PDE3A: variants seen among roughly 807,000 people sequenced by gnomAD.
PDE3A encodes phosphodiesterase 3A, also known as cGMP-inhibited 3',5'-cyclic phosphodiesterase 3A.
A neutral mutation model predicts 98.3 loss-of-function variants in PDE3A; 43 were observed. The observed-to-expected ratio is 0.44, with a 90% CI of 0.34 to 0.56. PDE3A has a LOEUF of 0.56. Among genes scored for constraint, PDE3A ranks in the 20% least tolerant of loss-of-function variants. PDE3A has a pLI of 0.01. For missense variants in PDE3A, 1,427 were observed against 1,440.7 expected (o/e 0.99, Z 0.15); for synonymous variants, 663 against 567.9 (o/e 1.17, Z -2.38).
intron 1 of PDE3A, among the ~76,000 whole-genome samples, chr12:20,400,379 GT>G (rs75851941): frequency 2.7e-5 from 3 of 110,280 alleles, no homozygotes; most frequent in Non-Finnish European, 5.2e-5. Flanking sequence ...GTTAACATTG[GT>G]TTTTTTTTTT....
In PDE3A at chr12:20,501,867, C is replaced by A. The variant is rs562832492; in HGVS notation, c.961-54793C>A. On this transcript the variant is annotated intron_variant, in intron 1 of 15. Transcript: ENST00000359062. ...CACATTAAGCTGTCATTATTCCAGT[C>A]TTATGCTAAATAACACCCCACTTCA... 3.8e-4 allele frequency among the ~76,000 whole-genome samples: 58 copies of A among 152,190 alleles called. No individual in the cohort carries two copies. The Middle Eastern group carries it at 0.014, about 36-fold the overall frequency.
At chr12:20,548,454 C>T (rs989802131) in intron 1 of PDE3A, among the ~76,000 whole-genome samples, 9 of 151,762 alleles carry the variant, frequency 5.9e-5, no homozygotes, top group African/African-American at 2.2e-4. Context: ...TTTTTTTTCT[C>T]CCTGAATTAA....
chr12:20,663,372 T>C (rs1945228860), intron 15 of PDE3A, among the ~76,000 whole-genome samples: 2 of 152,008 alleles, frequency 1.3e-5, no homozygotes, highest in African/African-American at 2.4e-5. Context: ...CCCGGAATGG[T>C]AGATCCACCA....
intron 2 of PDE3A, among the ~76,000 whole-genome samples, chr12:20,590,100 A>G (rs1177380485): frequency 6.6e-6 from 1 of 152,018 alleles, no homozygotes; most frequent in Non-Finnish European, 1.5e-5. Flanking sequence ...GTGCTCTATT[A>G]CGCAGCATAT....
chr12:20,615,379 C>T (rs75028076), intron 3 of PDE3A, among the ~76,000 whole-genome samples: 1 of 152,140 alleles, frequency 6.6e-6, no homozygotes, highest in East Asian at 1.9e-4. Flanking sequence ...GAGGAGTTGA[C>T]ACTGATGACA....
intron 15 of PDE3A, among the ~76,000 whole-genome samples, chr12:20,670,441 A>G (rs569627305): frequency 2.0e-5 from 3 of 152,028 alleles, no homozygotes; most frequent in Non-Finnish European, 2.9e-5. Context: ...TGACCACATA[A>G]TTGGAAGTAA....
chr12:20,445,147 C>A (rs1944934211), intron 1 of PDE3A, among the ~76,000 whole-genome samples: 1 of 152,150 alleles, frequency 6.6e-6, no homozygotes, highest in African/African-American at 2.4e-5. Flanking sequence ...AACATCATTT[C>A]TGTTAGGCTC....
At chr12:20,488,880 A>T (rs1340415731) in intron 1 of PDE3A, among the ~76,000 whole-genome samples, 1 of 46,738 alleles carries the variant, frequency 2.1e-5, no homozygotes, top group Non-Finnish European at 5.2e-5. Flanking sequence ...CCCTGTCTCC[A>T]AAAAAAAAAA....
At chr12:20,576,155 T>C (rs1313130202) in intron 2 of PDE3A, among the ~76,000 whole-genome samples, 1 of 152,080 alleles carries the variant, frequency 6.6e-6, no homozygotes, top group African/African-American at 2.4e-5. Flanking sequence ...AATCCAATTA[T>C]ACTCTTTTAG....
intron 1 of PDE3A, among the ~76,000 whole-genome samples, chr12:20,483,399 AAAAC>A (rs762882592): frequency 2.6e-5 from 4 of 152,210 alleles, no homozygotes; most frequent in Non-Finnish European, 4.4e-5. Flanking sequence ...ACAAAAACAA[AAAAC>A]AAACAAACTT....
At chr12:20,528,552 T>C (rs1368631822) in intron 1 of PDE3A, among the ~76,000 whole-genome samples, 2 of 152,218 alleles carry the variant, frequency 1.3e-5, no homozygotes, top group East Asian at 3.8e-4. Context: ...GTTTATAATG[T>C]TCAAAATCTT....
intron 1 of PDE3A, among the ~76,000 whole-genome samples, chr12:20,415,113 C>CTCCCT (rs1944401368): frequency 6.7e-6 from 1 of 150,178 alleles, no homozygotes; most frequent in Non-Finnish European, 1.5e-5. Context: ...TTGCTGATTT[C>CTCCCT]TCCCTTTCTA....
intron 1 of PDE3A, chr12:20,371,370 T>C (rs1943472019): frequency 1.0e-6 from 1 of 985,114 alleles, no homozygotes; most frequent in African/African-American, 1.7e-5. Flanking sequence ...GAGGAGGAGC[T>C]GGTTGGATAC....
rs748683447 is a variant in PDE3A at position 20,616,344 on chromosome 12, C to G, written c.1384C>G (p.Arg462Gly). 1 of 1,613,556 alleles carries G rather than the reference C, an allele frequency of 6.2e-7. No homozygotes were observed. Among genetic ancestry groups the G allele is most frequent in the East Asian group, 2.2e-5 (1 of 44,834 alleles). Residue 462 changes from arginine to glycine, a missense_variant, in exon 4 of 16, where the codon CGC (arginine) becomes GGC (glycine). Physicochemically the swap from Arg to Gly is moderately radical, Grantham distance 125. Coordinates refer to ENST00000359062, the MANE Select transcript of PDE3A (RefSeq NM_000921.5). ...TLEPAPVRRDRSTSIKLQEAP... is the reference protein window; with the variant it reads ...TLEPAPVRRDGSTSIKLQEAP... ...GGAGCCTGCACCAGTACGGAGAGAC[C>G]GCAGCACCAGCATCAAACTGCAGGA...
intron 1 of PDE3A, among the ~76,000 whole-genome samples, chr12:20,551,228 C>T (rs1942188889): frequency 6.6e-6 from 1 of 151,434 alleles, no homozygotes; most frequent in Non-Finnish European, 1.5e-5. Context: ...CTCACTCTTC[C>T]CTCAGTTTTT....
chr12:20,628,282 C>CTTAA (rs1179517402), intron 5 of PDE3A, among the ~76,000 whole-genome samples: 3 of 152,090 alleles, frequency 2.0e-5, no homozygotes, highest in African/African-American at 7.2e-5. Context: ...CCTTTGTGAA[C>CTTAA]TTAATTTTTT....
intron 1 of PDE3A, chr12:20,449,848 C>A: frequency 1.7e-6 from 1 of 586,210 alleles, no homozygotes; most frequent in Non-Finnish European, 3.0e-6. Flanking sequence ...GGCAGAGAGA[C>A]CTGCCCCTTT....
At chr12:20,509,525 GT>G (rs761932766) in intron 1 of PDE3A, among the ~76,000 whole-genome samples, 3 of 151,740 alleles carry the variant, frequency 2.0e-5, no homozygotes, top group Admixed American at 6.6e-5. Flanking sequence ...AATTTTTAAA[GT>G]TTTTTTTCAG....
chr12:20,635,174 A>G lies in PDE3A; in HGVS notation c.2001+118A>G. The G allele has an allele frequency of 5.8e-6, 5 of 865,920 alleles. No homozygotes were observed. In the South Asian group the frequency reaches 8.5e-5, roughly 15 times the overall value. The allele number at this position is 865,920 out of a possible 1,614,324, so 53.6% of individuals were successfully genotyped here. A position where few individuals can be genotyped will look rare whatever the true frequency, so the allele number is the denominator to read the frequency against. ...GGTGGCTCACACCTGTAATCCCAACATTTTGGGAGGACGAAGCGGGCAGAT... is the reference window on the plus strand; with the variant it reads ...GGTGGCTCACACCTGTAATCCCAACGTTTTGGGAGGACGAAGCGGGCAGAT... On this transcript the variant is annotated intron_variant, in intron 8 of 15. Coordinates refer to ENST00000359062, the MANE Select transcript of PDE3A (RefSeq NM_000921.5).
Sources: allele counts gnomAD v4.1 joint callset (sites outside exome capture counted in the v4.1 genomes callset), GRCh38; gene constraint gnomAD v4.1.1; transcripts MANE v1.5; gene names NCBI Gene and HGNC (gene_info 2026-07-23, HGNC 2026-07-21).